SMAP1: variants seen among roughly 807,000 people sequenced by gnomAD.
The protein encoded by SMAP1 is stromal membrane-associated protein 1.
A neutral mutation model predicts 58.5 loss-of-function variants in SMAP1; 24 were observed. The observed-to-expected ratio is 0.41, with a 90% CI of 0.30 to 0.58. The LOEUF (loss-of-function observed/expected upper bound fraction) is 0.58, where lower values mean the gene tolerates loss of function less well. Ranked by LOEUF, SMAP1 falls within the 20% of genes least tolerant of loss-of-function variation. SMAP1 has a pLI of 0.29. For missense variants in SMAP1, 563 were observed against 566.3 expected (o/e 0.99, Z 0.06); for synonymous variants, 216 against 196.6 (o/e 1.10, Z -0.82).
intron 2 of SMAP1, among the ~76,000 whole-genome samples, chr6:70,751,424 G>C (rs1298040683): frequency 6.6e-6 from 1 of 151,940 alleles, no homozygotes; most frequent in Non-Finnish European, 1.5e-5. Flanking sequence ...TCACTTGCTT[G>C]ACTTGTTTTT....
At chr6:70,813,770 A>G (rs1000510934) in intron 6 of SMAP1, among the ~76,000 whole-genome samples, 17 of 152,164 alleles carry the variant, frequency 1.1e-4, no homozygotes, top group Admixed American at 6.6e-5. Flanking sequence ...AATTTTTAAA[A>G]TCTGTTAAAT....
chr6:70,835,738 C>T (rs1041258472), intron 6 of SMAP1, among the ~76,000 whole-genome samples: 1 of 152,096 alleles, frequency 6.6e-6, no homozygotes, highest in Non-Finnish European at 1.5e-5. Context: ...AACTCCTGGG[C>T]TTAAGGGATC....
At chr6:70,843,391 G>C (rs948137752) in intron 7 of SMAP1, among the ~76,000 whole-genome samples, 1 of 152,124 alleles carries the variant, frequency 6.6e-6, no homozygotes, top group African/African-American at 2.4e-5. Context: ...GCCAGGGGCT[G>C]TCTTGTGTGC....
chr6:70,670,256 G>A lies in SMAP1; in HGVS notation c.118+2115G>A, dbSNP rs60706972. Among the ~76,000 whole-genome samples, 11 of 152,172 alleles carry A rather than the reference G, an allele frequency of 7.2e-5. No individual in the cohort carries two copies. The East Asian group carries it at 1.9e-3, about 27-fold the overall frequency. ...ATGAACTCCACAGTATAATTTACAAGGATTATTTTTTTCTTGTTGCTACTA... is the reference window on the plus strand; with the variant it reads ...ATGAACTCCACAGTATAATTTACAAAGATTATTTTTTTCTTGTTGCTACTA... On this transcript the variant is annotated intron_variant, in intron 1 of 10. Coordinates refer to ENST00000370455, the MANE Select transcript of SMAP1 (RefSeq NM_001044305.3).
chr6:70,688,613 C>G (rs963616501), intron 1 of SMAP1, among the ~76,000 whole-genome samples: 15 of 152,082 alleles, frequency 9.9e-5, no homozygotes, highest in African/African-American at 3.6e-4. Context: ...AATGTCTGTT[C>G]ATGTTTCATT....
intron 2 of SMAP1, among the ~76,000 whole-genome samples, chr6:70,733,728 C>T (rs1192169965): frequency 6.6e-6 from 1 of 152,106 alleles, no homozygotes; most frequent in Non-Finnish European, 1.5e-5. Flanking sequence ...GACAGTATAA[C>T]TTGGTGTTTG....
At position 70,773,375 on chromosome 6, in the gene SMAP1, A is replaced by T; in HGVS notation, c.364A>T (p.Lys122Ter). The T allele has an allele frequency of 6.4e-7, 1 of 1,574,694 alleles. No individual in the cohort carries two copies. The highest frequency in any genetic ancestry group is 1.1e-5 in the South Asian group (1 of 87,406). Residue 122 changes from lysine to a stop codon, truncating the protein, a stop_gained, in exon 4 of 11, where the codon AAA becomes TAA. Transcript: ENST00000370455. LOFTEE classifies it high-confidence loss of function. The stretch of plus-strand genomic sequence containing the variant: ...AGCAGTGGAATTTTTCATCAGAGAT[A>T]AATATGAAAAGAAGAAATACTACGA... ...DQAVEFFIRDKYEKKKYYDKN... is the reference protein window; with the variant it reads ...DQAVEFFIRD
chr6:70,779,576 C>A (rs1024948692), intron 4 of SMAP1, among the ~76,000 whole-genome samples: 1 of 152,116 alleles, frequency 6.6e-6, no homozygotes, highest in Non-Finnish European at 1.5e-5. Flanking sequence ...CTTACCTTGC[C>A]ACCATGATGG....
At chr6:70,805,446 C>T (rs1769081711) in intron 6 of SMAP1, among the ~76,000 whole-genome samples, 1 of 152,122 alleles carries the variant, frequency 6.6e-6, no homozygotes, top group South Asian at 2.1e-4. Context: ...TGGGTTAGAA[C>T]ATGTTCCATT....
At chr6:70,782,818 A>T (rs1176034003) in intron 4 of SMAP1, among the ~76,000 whole-genome samples, 1 of 152,200 alleles carries the variant, frequency 6.6e-6, no homozygotes, top group African/African-American at 2.4e-5. Flanking sequence ...CCAGTATGGA[A>T]ATATACATAT....
intron 6 of SMAP1, among the ~76,000 whole-genome samples, chr6:70,812,569 G>A (rs1231311380): frequency 1.3e-5 from 2 of 152,140 alleles, no homozygotes; most frequent in African/African-American, 4.8e-5. Flanking sequence ...AAGTATTGCA[G>A]TGCCAGAAAA....
chr6:70,711,403 T>G (rs1342480101), intron 1 of SMAP1, among the ~76,000 whole-genome samples: 1 of 152,250 alleles, frequency 6.6e-6, no homozygotes, highest in African/African-American at 2.4e-5. Context: ...AGAGCCTGAC[T>G]GTATTTTATT....
intron 5 of SMAP1, among the ~76,000 whole-genome samples, chr6:70,795,333 GGC>G (rs1241333653): frequency 6.6e-6 from 1 of 152,050 alleles, no homozygotes; most frequent in Non-Finnish European, 1.5e-5. Flanking sequence ...CACCTGTGCT[GGC>G]TACTCTAACA....
intron 2 of SMAP1, among the ~76,000 whole-genome samples, chr6:70,740,968 C>G (rs1765790404): frequency 1.3e-5 from 2 of 152,182 alleles, no homozygotes; most frequent in Admixed American, 1.3e-4. Context: ...GACTTACTCA[C>G]TACCAAGAGA....
At chr6:70,830,294 G>C (rs1292933774) in intron 6 of SMAP1, among the ~76,000 whole-genome samples, 2 of 152,128 alleles carry the variant, frequency 1.3e-5, no homozygotes, top group Non-Finnish European at 2.9e-5. Flanking sequence ...TGAATGTGAG[G>C]TATCAAAAGG....
chr6:70,723,778 G>A (rs765794635), intron 1 of SMAP1, among the ~76,000 whole-genome samples: 12 of 152,280 alleles, frequency 7.9e-5, no homozygotes, highest in Non-Finnish European at 1.8e-4. Flanking sequence ...GCTATTCTGA[G>A]TTTGAATGTG....
At chr6:70,711,225 A>G (rs952455105) in intron 1 of SMAP1, among the ~76,000 whole-genome samples, 5 of 152,186 alleles carry the variant, frequency 3.3e-5, no homozygotes, top group South Asian at 2.1e-4. Context: ...TGGCAGTGCA[A>G]TAGGTTTATT....
intron 1 of SMAP1, among the ~76,000 whole-genome samples, chr6:70,717,642 TCA>T (rs2149843522): frequency 6.6e-6 from 1 of 152,360 alleles, no homozygotes; most frequent in South Asian, 2.1e-4. Context: ...ACATGTTTAT[TCA>T]GTACTTCTGT....
chr6:70,823,100 A>T (rs139193711), intron 6 of SMAP1, among the ~76,000 whole-genome samples: 53 of 152,284 alleles, frequency 3.5e-4, no homozygotes, highest in Non-Finnish European at 6.0e-4. Flanking sequence ...ATGGTCTGAT[A>T]ATTCCAACAT....
Sources: gnomAD v4.1 joint callset for allele counts (sites outside exome capture counted in the v4.1 genomes callset) on GRCh38, gnomAD v4.1.1 for gene constraint, MANE v1.5 for transcripts, NCBI Gene and HGNC (gene_info 2026-07-23, HGNC 2026-07-21) for gene names.